Variants in LMX1A observed in about 807,000 individuals in gnomAD.
LMX1A encodes the protein LIM homeobox transcription factor 1 alpha.
In LMX1A, 15 loss-of-function variants were observed where a neutral mutation model predicts 49.1. The observed-to-expected ratio is 0.31, with a 90% CI of 0.20 to 0.47. The LOEUF is 0.47. Ranked by LOEUF, LMX1A falls within the 20% of genes least tolerant of loss-of-function variation. The probability of loss-of-function intolerance (pLI) is 1.00; values close to 1 mark genes in which losing one functional copy is unlikely to be tolerated. For synonymous variants in LMX1A, 167 were observed against 185.7 expected (o/e 0.90, Z 0.82); for missense variants, 372 against 475.8 (o/e 0.78, Z 2.03).
At position 165,260,622 on chromosome 1, in the gene LMX1A, C is replaced by A. The variant is rs530815010; in HGVS notation, c.264-10982G>T. On this transcript the variant is annotated intron_variant, in intron 3 of 8. Coordinates refer to ENST00000342310, the MANE Select transcript of LMX1A (RefSeq NM_177398.4). ...TTAGGAACTAAATTTATTCTGAAAA[C>A]CAATGATTACATTCCTAAATCATCT... 7.9e-5 allele frequency among the ~76,000 whole-genome samples: 12 copies of A among 152,270 alleles called. No homozygotes were observed. In the South Asian group the frequency reaches 2.5e-3, roughly 32 times the overall value.
At chr1:165,232,908 G>A (rs1218650418) in intron 4 of LMX1A, among the ~76,000 whole-genome samples, 1 of 152,176 alleles carries the variant, frequency 6.6e-6, no homozygotes, top group African/African-American at 2.4e-5. Flanking sequence ...TCAGGAAGAT[G>A]TCCTTGGAGT....
At chr1:165,246,409 A>T (rs1435322028) in intron 4 of LMX1A, among the ~76,000 whole-genome samples, 1 of 152,214 alleles carries the variant, frequency 6.6e-6, no homozygotes, top group Non-Finnish European at 1.5e-5. Context: ...AACAATAATT[A>T]TAGATTTTTA....
chr1:165,320,080 T>G (rs952301579), intron 3 of LMX1A, among the ~76,000 whole-genome samples: 1 of 152,208 alleles, frequency 6.6e-6, no homozygotes, highest in Non-Finnish European at 1.5e-5. Flanking sequence ...GTAAAAATGC[T>G]TCTTTTATAA....
intron 4 of LMX1A, among the ~76,000 whole-genome samples, chr1:165,245,610 C>T (rs886310288): frequency 3.5e-5 from 5 of 143,896 alleles, no homozygotes; most frequent in African/African-American, 1.0e-4. Flanking sequence ...CCCACATATT[C>T]TAAATGTGCT....
intron 3 of LMX1A, among the ~76,000 whole-genome samples, chr1:165,272,531 C>G (rs1364743097): frequency 6.6e-6 from 1 of 151,938 alleles, no homozygotes; most frequent in Non-Finnish European, 1.5e-5. Context: ...ACATTCCAGG[C>G]CAGAGAGTGT....
intron 3 of LMX1A, 69 bp from the exon 4 acceptor site, chr1:165,249,709 A>G (rs1000308804): frequency 5.3e-6 from 6 of 1,137,706 alleles, no homozygotes; most frequent in Non-Finnish European, 7.8e-6. Context: ...GTCTCCCCTG[A>G]AGTCAACAGC....
At chr1:165,264,015 C>A (rs1195979859) in intron 3 of LMX1A, among the ~76,000 whole-genome samples, 2 of 152,128 alleles carry the variant, frequency 1.3e-5, no homozygotes, top group Non-Finnish European at 2.9e-5. Flanking sequence ...AAAGGAAAGG[C>A]AAGAGTTTCC....
At chr1:165,207,269 T>C (rs566177312) in intron 7 of LMX1A, among the ~76,000 whole-genome samples, 30 of 152,338 alleles carry the variant, frequency 2.0e-4, no homozygotes, top group African/African-American at 7.0e-4. Context: ...GCCAGGGGCA[T>C]AGCGTTTAAG....
chr1:165,311,679 T>G (rs919796454), intron 3 of LMX1A, among the ~76,000 whole-genome samples: 2 of 152,220 alleles, frequency 1.3e-5, no homozygotes, highest in Non-Finnish European at 2.9e-5. Flanking sequence ...ACCTCTAAAC[T>G]GTAGCCCCAG....
At chr1:165,317,032 A>G (rs1655250204) in intron 3 of LMX1A, among the ~76,000 whole-genome samples, 1 of 152,228 alleles carries the variant, frequency 6.6e-6, no homozygotes, top group African/African-American at 2.4e-5. Flanking sequence ...AAATGGCTTG[A>G]GAAGAAAGTA....
intron 3 of LMX1A, among the ~76,000 whole-genome samples, chr1:165,281,762 G>T (rs973821074): frequency 1.3e-5 from 2 of 152,058 alleles, no homozygotes; most frequent in African/African-American, 2.4e-5. Flanking sequence ...GTGTGTGTGT[G>T]TGTGTGTGTG....
chr1:165,356,141 T>G (rs1484162743), intron 1 of LMX1A: 1 of 152,364 alleles, frequency 6.6e-6, no homozygotes, highest in Non-Finnish European at 1.5e-5. Context: ...CTCCTGGCGC[T>G]GCGCTCTGTT....
chr1:165,205,899 G>T lies in LMX1A; in HGVS notation c.953C>A (p.Pro318Gln). Residue 318 changes from proline to glutamine, a missense_variant, in exon 8 of 9, where the codon CCA becomes CAA. Pro to Gln is a moderately conservative substitution (Grantham distance 76). Transcript: ENST00000342310. ...SSDPFRQGLTPPQMPGDHMHP... is the reference protein window; with the variant it reads ...SSDPFRQGLTQPQMPGDHMHP... ...CATGTGGTCTCCAGGCATCTGGGGT[G>T]GGGTGAGACCCTGTCGGAAGGGATC... The T allele has an allele frequency of 1.9e-6, 3 of 1,614,074 alleles. No homozygotes were observed. The highest frequency in any genetic ancestry group is 2.5e-6 in the Non-Finnish European group (3 of 1,180,010).
intron 4 of LMX1A, among the ~76,000 whole-genome samples, chr1:165,224,029 C>G (rs1651948835): frequency 6.6e-6 from 1 of 152,200 alleles, no homozygotes; most frequent in Non-Finnish European, 1.5e-5. Flanking sequence ...AAGGCAGGGC[C>G]TAGTGGGAAG....
intron 3 of LMX1A, among the ~76,000 whole-genome samples, chr1:165,324,107 C>T (rs931884): frequency 0.86 from 131,038 of 152,290 alleles, 57,192 homozygotes; most frequent in East Asian, 0.94. Context: ...CCTGGCACAT[C>T]GCAGGCATTC....
intron 3 of LMX1A, among the ~76,000 whole-genome samples, chr1:165,308,974 G>A (rs1239307689): frequency 1.3e-5 from 2 of 152,080 alleles, no homozygotes; most frequent in Non-Finnish European, 2.9e-5. Context: ...TATTATAGAT[G>A]ATGCTAAGAA....
At chr1:165,228,781 G>A (rs1402384969) in intron 4 of LMX1A, among the ~76,000 whole-genome samples, 1 of 152,026 alleles carries the variant, frequency 6.6e-6, no homozygotes, top group Non-Finnish European at 1.5e-5. Context: ...AAAGTTCTAC[G>A]AGCAGTCAGC....
intron 3 of LMX1A, among the ~76,000 whole-genome samples, chr1:165,289,740 T>C (rs1008885068): frequency 1.3e-5 from 2 of 152,194 alleles, no homozygotes; most frequent in African/African-American, 2.4e-5. Flanking sequence ...CAGGGCTTCA[T>C]TATTCATCTG....
intron 3 of LMX1A, among the ~76,000 whole-genome samples, chr1:165,328,787 A>G (rs1655656369): frequency 6.6e-6 from 1 of 152,210 alleles, no homozygotes; most frequent in African/African-American, 2.4e-5. Context: ...GTCTTATCTC[A>G]AGATCTTATC....
Sources: allele counts gnomAD v4.1 joint callset (sites outside exome capture counted in the v4.1 genomes callset), GRCh38; gene constraint gnomAD v4.1.1; transcripts MANE v1.5; gene names NCBI Gene and HGNC (gene_info 2026-07-23, HGNC 2026-07-21).